The following M1AP variants were observed in gnomAD, a reference collection of about 807,000 sequenced individuals.
The protein encoded by M1AP is meiosis 1 arrest protein.
Under a neutral mutation model 51.2 loss-of-function variants are expected in M1AP, and 39 were observed. That is an observed-to-expected ratio of 0.76 (90% CI 0.59 to 1.00). The LOEUF is 1.00. Among genes scored for constraint, M1AP ranks in the 50% least tolerant of loss-of-function variants. The pLI is 0.00. For synonymous variants in M1AP, 251 were observed against 249.2 expected (o/e 1.01, Z -0.07); for missense variants, 545 against 641.2 (o/e 0.85, Z 1.62).
intron 2 of M1AP, among the ~76,000 whole-genome samples, chr2:74,625,190 T>C (rs557465133): frequency 4.7e-4 from 72 of 152,332 alleles, no homozygotes; most frequent in Admixed American, 1.2e-3. Flanking sequence ...TGTATTTTCA[T>C]GTCTCAATGT....
At chr2:74,561,062 G>GGGA (rs1208357090) in intron 8 of M1AP, among the ~76,000 whole-genome samples, 51 of 56,830 alleles carry the variant, frequency 9.0e-4, no homozygotes, top group Non-Finnish European at 1.4e-3. Context: ...GGAGGAGGAG[G>GGGA]GGAGGAGGAG....
chr2:74,557,918 T>TTG lies in M1AP; in HGVS notation c.*797_*798insCA, dbSNP rs1553403730. The TTG allele has an allele frequency of 1.4e-5, 2 of 144,542 alleles. No individual in the cohort carries two copies. The highest frequency in any genetic ancestry group is 2.2e-4 in the East Asian group (1 of 4,574). The allele number at this position is 144,542 out of a possible 1,614,324, so 9.0% of individuals were successfully genotyped here. A position where few individuals can be genotyped will look rare whatever the true frequency, so the allele number is the denominator to read the frequency against. Reference sequence around the variant, plus strand: ...AAAGTTTTTATTATTTATGTAGAGATGGCGGGGGGGTCTCACAGTGTTGCT... The same window carrying TTG: ...AAAGTTTTTATTATTTATGTAGAGATTGGGCGGGGGGGTCTCACAGTGTTGCT... On this transcript the variant is annotated 3_prime_UTR_variant, in exon 11 of 11. Transcript: ENST00000421985.
intron 7 of M1AP, among the ~76,000 whole-genome samples, chr2:74,571,492 C>G (rs187247108): frequency 6.6e-6 from 1 of 152,106 alleles, no homozygotes. Context: ...AATAAAAAAC[C>G]AAAGATGGAG....
At chr2:74,562,040 TAA>T in intron 8 of M1AP, 175 bp downstream of exon 8, 1 of 985,444 alleles carries the variant, frequency 1.0e-6, no homozygotes, top group South Asian at 4.7e-5. Flanking sequence ...TGCCATAATC[TAA>T]GTGTTTACTT....
In M1AP at chr2:74,614,960, T is replaced by C; in HGVS notation, c.426+4A>G. The C allele has an allele frequency of 6.2e-7, 1 of 1,612,756 alleles. No individual in the cohort carries two copies. Among genetic ancestry groups the C allele is most frequent in the Non-Finnish European group, 8.5e-7 (1 of 1,178,916 alleles). On this transcript the variant is annotated splice_donor_region_variant and intron_variant, in intron 3 of 10. Transcript: ENST00000421985. Reference sequence around the variant, plus strand: ...TTGGAGTCCTAAAGGCCAGCATCACTTACCTCCAGGGAGGTATAGGTCAGA... The same window carrying C: ...TTGGAGTCCTAAAGGCCAGCATCACCTACCTCCAGGGAGGTATAGGTCAGA...
At chr2:74,644,747 C>T (rs114677481) in intron 1 of M1AP, among the ~76,000 whole-genome samples, 2 of 152,016 alleles carry the variant, frequency 1.3e-5, no homozygotes, top group African/African-American at 4.8e-5. Context: ...GAACCAGAAA[C>T]CCAAATCAAT....
At chr2:74,603,036 G>A (rs566976266) in intron 4 of M1AP, among the ~76,000 whole-genome samples, 11 of 152,316 alleles carry the variant, frequency 7.2e-5, no homozygotes, top group Non-Finnish European at 1.5e-4. Flanking sequence ...TGGCCAAAGA[G>A]AGAAAAAGAG....
At chr2:74,636,399 T>C (rs1237979253) in intron 2 of M1AP, among the ~76,000 whole-genome samples, 1 of 152,116 alleles carries the variant, frequency 6.6e-6, no homozygotes, top group East Asian at 1.9e-4. Flanking sequence ...ATTTAAAAAA[T>C]CAACTCTGCC....
At chr2:74,583,091 AAAC>A in intron 4 of M1AP, among the ~76,000 whole-genome samples, 1 of 152,112 alleles carries the variant, frequency 6.6e-6, no homozygotes, top group South Asian at 2.1e-4. Flanking sequence ...ACAAACAAAC[AAAC>A]AACCCCAAAA....
At chr2:74,600,247 A>C (rs540373319) in intron 4 of M1AP, among the ~76,000 whole-genome samples, 1 of 152,342 alleles carries the variant, frequency 6.6e-6, no homozygotes, top group South Asian at 2.1e-4. Flanking sequence ...CAAGGATTAA[A>C]TAAGATAATA....
At chr2:74,618,309 G>A (rs962553220) in intron 2 of M1AP, among the ~76,000 whole-genome samples, 3 of 152,178 alleles carry the variant, frequency 2.0e-5, no homozygotes, top group Admixed American at 6.5e-5. Flanking sequence ...AGTGCTCAGC[G>A]TGCAGGGCCA....
intron 4 of M1AP, among the ~76,000 whole-genome samples, chr2:74,599,086 T>TGGCCA (rs1680523047): frequency 6.6e-6 from 1 of 152,066 alleles, no homozygotes; most frequent in Non-Finnish European, 1.5e-5. Flanking sequence ...GAGATCAACC[T>TGGCCA]GGCCAACATG....
In M1AP at chr2:74,576,638, C is replaced by T. The variant is rs779711121; in HGVS notation, c.770-20G>A. On this transcript the variant is annotated intron_variant, in intron 5 of 10. Transcript: ENST00000421985. ...GACACACTACAATAAAAGGAGATTACATTTCAGACACACTACAATTGGAGG... is the reference window on the plus strand; with the variant it reads ...GACACACTACAATAAAAGGAGATTATATTTCAGACACACTACAATTGGAGG... 7.4e-6 allele frequency: 12 copies of T among 1,612,852 alleles called. No homozygotes were observed. Among genetic ancestry groups the T allele is most frequent in the East Asian group, 2.2e-5 (1 of 44,860 alleles).
At position 74,607,093 on chromosome 2, in the gene M1AP, A is replaced by T. The variant is rs1364843927; in HGVS notation, c.557T>A (p.Val186Glu). Reference protein sequence around the residue: ...VEVTKGILEHVDSASPVEDTS... With the variant: ...VEVTKGILEHEDSASPVEDTS... ...ATCCTCAACAGGAGACGCTGAGTCC[A>T]CGTGCTCTAGGATTCCCTTTGTGAC... is the stretch of plus-strand genomic sequence containing the variant. The change falls in exon 4 of 11, where the codon GTG (valine) becomes GAG (glutamate). Residue 186 changes from valine (V) to glutamate (E), a missense_variant. Transcript: ENST00000421985. 2.5e-6 allele frequency: 4 copies of T among 1,614,108 alleles called. No homozygotes were observed. The highest frequency in any genetic ancestry group is 4.5e-5 in the East Asian group (2 of 44,886).
intron 7 of M1AP, among the ~76,000 whole-genome samples, chr2:74,564,975 C>T (rs548599805): frequency 3.7e-4 from 56 of 152,316 alleles, no homozygotes; most frequent in African/African-American, 1.3e-3. Flanking sequence ...AATGCCAGCA[C>T]TTTGGGAAGC....
At chr2:74,594,834 A>G (rs181632953) in intron 4 of M1AP, among the ~76,000 whole-genome samples, 9 of 152,312 alleles carry the variant, frequency 5.9e-5, no homozygotes, top group South Asian at 4.1e-4. Flanking sequence ...AATTGTGATC[A>G]CGCTACAGCA....
At chr2:74,647,328 G>A (rs1462870021) in intron 1 of M1AP, 1 of 985,208 alleles carries the variant, frequency 1.0e-6, no homozygotes, top group African/African-American at 1.7e-5. Context: ...TCTGTTCCGT[G>A]CTGAGCATTC....
chr2:74,620,485 G>A (rs185201406), intron 2 of M1AP, among the ~76,000 whole-genome samples: 23 of 152,346 alleles, frequency 1.5e-4, no homozygotes, highest in African/African-American at 5.5e-4. Context: ...TGGGAATGTT[G>A]AGTGCATTCA....
At chr2:74,576,941 G>C in intron 5 of M1AP, 1 of 1,099,504 alleles carries the variant, frequency 9.1e-7, no homozygotes, top group Non-Finnish European at 1.1e-6. Context: ...TCTGGCTTGT[G>C]ATCCAGTCTG....
Sources: allele counts gnomAD v4.1 joint callset (sites outside exome capture counted in the v4.1 genomes callset), GRCh38; gene constraint gnomAD v4.1.1; transcripts MANE v1.5; gene names NCBI Gene and HGNC (gene_info 2026-07-23, HGNC 2026-07-21).